UBAC1: variants seen among roughly 807,000 people sequenced by gnomAD.
The protein encoded by UBAC1 is ubiquitin-associated domain-containing protein 1.
In UBAC1, 27 loss-of-function variants were observed where a neutral mutation model predicts 45.9. The ratio of observed to expected loss-of-function variants is 0.59; its 90% CI spans 0.43 to 0.81. The LOEUF (loss-of-function observed/expected upper bound fraction) is 0.81. UBAC1 is among the 30% of genes least tolerant of loss of function. The probability of loss-of-function intolerance (pLI) is 0.00; values close to 1 mark genes in which losing one functional copy is unlikely to be tolerated. For synonymous variants in UBAC1, 227 were observed against 215.5 expected (o/e 1.05, Z -0.47); for missense variants, 529 against 539.2 (o/e 0.98, Z 0.19).
chr9:135,950,144 CCT>C (rs1839390568), intron 3 of UBAC1, among the ~76,000 whole-genome samples: 1 of 152,234 alleles, frequency 6.6e-6, no homozygotes, highest in African/African-American at 2.4e-5. Context: ...CCTCCGGCAC[CCT>C]GATTTCAGCT....
rs1347978052 is a variant in UBAC1 at position 135,938,334 on chromosome 9, C to G, written c.990G>C (p.Lys330Asn). The G allele has an allele frequency of 3.7e-6, 6 of 1,613,852 alleles. No individual in the cohort carries two copies. The highest frequency in any genetic ancestry group is 8.5e-7 in the Non-Finnish European group (1 of 1,180,020). The change falls in exon 9 of 10, where the codon AAG (lysine) becomes AAC (asparagine). Residue 330 changes from lysine (K) to asparagine (N), a missense_variant. By Grantham distance (94) the Lys-to-Asn change is moderately conservative (BLOSUM62 0). Coordinates refer to ENST00000371756, the MANE Select transcript of UBAC1 (RefSeq NM_016172.3). Reference protein sequence around the residue: ...AACEWLLGDRKPSPEELDKGI... With the variant: ...AACEWLLGDRNPSPEELDKGI... ...CCTTGTCCAGCTCCTCCGGAGAGGGCTTCCGGTCCCCCAGCAGCCACTCGC... is the reference window on the plus strand; with the variant it reads ...CCTTGTCCAGCTCCTCCGGAGAGGGGTTCCGGTCCCCCAGCAGCCACTCGC...
intron 3 of UBAC1, among the ~76,000 whole-genome samples, chr9:135,949,167 GA>G (rs1005804772): frequency 7.2e-5 from 11 of 152,042 alleles, no homozygotes; most frequent in African/African-American, 2.7e-4. Context: ...GAACACACCA[GA>G]ACACTAGAAG....
chr9:135,934,208 G>A (rs1313999524), intron 9 of UBAC1, among the ~76,000 whole-genome samples: 1 of 152,158 alleles, frequency 6.6e-6, no homozygotes, highest in Non-Finnish European at 1.5e-5. Flanking sequence ...CAGGGACAGT[G>A]CTCACTACAG....
chr9:135,934,223 C>T (rs1839179739), intron 9 of UBAC1, among the ~76,000 whole-genome samples: 1 of 152,210 alleles, frequency 6.6e-6, no homozygotes, highest in African/African-American at 2.4e-5. Context: ...CTACAGAATT[C>T]ACAGCCATTC....
chr9:135,939,991 G>A (rs1411864460), intron 7 of UBAC1, among the ~76,000 whole-genome samples: 1 of 152,244 alleles, frequency 6.6e-6, no homozygotes, highest in Non-Finnish European at 1.5e-5. Context: ...GAGCCGGGGG[G>A]CAGTGCAGCT....
chr9:135,955,428 A>T lies in UBAC1; in HGVS notation c.139-13T>A, dbSNP rs762127829. On this transcript the variant is annotated splice_polypyrimidine_tract_variant and intron_variant, in intron 1 of 9. Transcript: ENST00000371756. The stretch of plus-strand genomic sequence containing the variant: ...TCCCATGAGCACACTGGGGAAAAAT[A>T]GAAATTTCAAGGTAGAAAATAAGTA... 3 of 1,523,694 alleles carry T rather than the reference A, an allele frequency of 2.0e-6. No homozygotes were observed. The East Asian group carries it at 7.2e-5, about 37-fold the overall frequency. 94.4% of individuals were successfully genotyped at this position (1,523,694 alleles called of 1,614,324 possible).
chr9:135,948,105 T>TGTCCCTGGG, intron 3 of UBAC1, 200 bp from the exon 4 acceptor site: 1 of 546,252 alleles, frequency 1.8e-6, no homozygotes, highest in Non-Finnish European at 3.2e-6. Flanking sequence ...CAGCGTCTGC[T>TGTCCCTGGG]CTGACGTAAA....
At chr9:135,949,733 G>A (rs915284116) in intron 3 of UBAC1, among the ~76,000 whole-genome samples, 5 of 152,244 alleles carry the variant, frequency 3.3e-5, no homozygotes, top group Admixed American at 1.3e-4. Flanking sequence ...GAGGACGGCC[G>A]CACGCTCCCC....
intron 3 of UBAC1, among the ~76,000 whole-genome samples, chr9:135,949,951 A>AAGG (rs1353369754): frequency 1.3e-5 from 2 of 152,156 alleles, no homozygotes; most frequent in Admixed American, 6.5e-5. Flanking sequence ...GCTGGCTCTG[A>AAGG]AGGAGGAGGA....
Position 135,946,345 on chromosome 9 carries a change from C to A in UBAC1, c.468G>T (p.Leu156=), listed in dbSNP as rs778455085. 1.9e-5 allele frequency: 31 copies of A among 1,613,686 alleles called. No homozygotes were observed. Among genetic ancestry groups the A allele is most frequent in the Admixed American group, 3.3e-5 (2 of 60,004 alleles). ...RDFQTELRKI[L]VSLIEVAQKL... ...TCTGCGCCACCTCGATGAGAGACAC[C>A]AGTATCTTCCGGAGTTCTGTCTGGA... Residue 156 remains leucine (L), a synonymous_variant, in exon 5 of 10, where the codon CTG becomes CTT. Coordinates refer to ENST00000371756, the MANE Select transcript of UBAC1 (RefSeq NM_016172.3).
chr9:135,948,048 G>A, intron 3 of UBAC1, 143 bp from the exon 4 acceptor site: 2 of 687,518 alleles, frequency 2.9e-6, no homozygotes, highest in South Asian at 1.9e-5. Flanking sequence ...TGAGCTGGGG[G>A]AGCCTGGAGA....
At chr9:135,935,562 G>A (rs1184885584) in intron 9 of UBAC1, among the ~76,000 whole-genome samples, 1 of 152,170 alleles carries the variant, frequency 6.6e-6, no homozygotes, top group Non-Finnish European at 1.5e-5. Flanking sequence ...AGCCCAGGAG[G>A]TCAAGGCTGC....
chr9:135,945,253 G>GC lies in UBAC1; in HGVS notation c.654-4dup, dbSNP rs1216970958. ...CCATGGCCTGAGGCACCGACATGCT[G>GC]CAAGGCAAGAGACTCTTTCCAACAT... On this transcript the variant is annotated splice_polypyrimidine_tract_variant and splice_region_variant and intron_variant, in intron 6 of 9. Coordinates refer to ENST00000371756, the MANE Select transcript of UBAC1 (RefSeq NM_016172.3). The GC allele has an allele frequency of 1.3e-6, 2 of 1,575,432 alleles. No homozygotes were observed. Among genetic ancestry groups the GC allele is most frequent in the East Asian group, 2.3e-5 (1 of 44,220 alleles).
rs940083493 is a variant in UBAC1 at position 135,945,870 on chromosome 9, G to A, written c.653+19C>T. 3 of 1,609,062 alleles carry A rather than the reference G, an allele frequency of 1.9e-6. No homozygotes were observed. The highest frequency in any genetic ancestry group is 2.6e-6 in the Non-Finnish European group (3 of 1,175,744). ...CCCCAGGTGTCTCCGGCAAGGGAAGGAGGTGGCCCCCCACGCACTGGTTCA... is the reference window on the plus strand; with the variant it reads ...CCCCAGGTGTCTCCGGCAAGGGAAGAAGGTGGCCCCCCACGCACTGGTTCA... On this transcript the variant is annotated intron_variant, in intron 6 of 9. Transcript: ENST00000371756.
chr9:135,950,093 C>A (rs1396552974), intron 3 of UBAC1, among the ~76,000 whole-genome samples: 1 of 152,200 alleles, frequency 6.6e-6, no homozygotes, highest in Non-Finnish European at 1.5e-5. Flanking sequence ...TCTTCCCCAG[C>A]CTCAGAAAGG....
chr9:135,958,329 G>A (rs1839492338), intron 1 of UBAC1, among the ~76,000 whole-genome samples: 1 of 152,146 alleles, frequency 6.6e-6, no homozygotes, highest in Non-Finnish European at 1.5e-5. Context: ...TTACAGGCAT[G>A]AGCCACCGTG....
rs755602519 is a variant in UBAC1, at chr9:135,945,171, C to T, written c.733G>A (p.Ala245Thr). 9 of 1,613,218 alleles carry T rather than the reference C, an allele frequency of 5.6e-6. No individual in the cohort carries two copies. In the African/African-American group the frequency reaches 1.1e-4, roughly 19 times the overall value. ...PTIDTPLPGQ[A>T]PPEAEGATAA... is the part of the protein sequence containing the mutation. ...GTGGCCCCCTCGGCCTCTGGGGGAG[C>T]TTGGCCAGGAAGAGGCGTGTCTATG... Residue 245 changes from alanine to threonine, a missense_variant, in exon 7 of 10, where the codon GCT becomes ACT. Transcript: ENST00000371756.
intron 7 of UBAC1, among the ~76,000 whole-genome samples, chr9:135,944,673 G>C (rs1049436787): frequency 6.6e-6 from 1 of 152,254 alleles, no homozygotes; most frequent in Non-Finnish European, 1.5e-5. Flanking sequence ...CCACCCCGCA[G>C]AGAGGCTGCC....
chr9:135,940,423 C>T (rs1839257230), intron 7 of UBAC1, among the ~76,000 whole-genome samples: 1 of 151,650 alleles, frequency 6.6e-6, no homozygotes, highest in Non-Finnish European at 1.5e-5. Flanking sequence ...ACTAAAAATA[C>T]AAAAAAATTA....
Sources: gnomAD v4.1 joint callset for allele counts (sites outside exome capture counted in the v4.1 genomes callset) on GRCh38, gnomAD v4.1.1 for gene constraint, MANE v1.5 for transcripts, NCBI Gene and HGNC (gene_info 2026-07-23, HGNC 2026-07-21) for gene names.